UCHL1: variants seen among roughly 807,000 people sequenced by gnomAD.
UCHL1 encodes the protein ubiquitin carboxyl-terminal hydrolase isozyme L1.
Under a neutral mutation model 33.3 loss-of-function variants are expected in UCHL1, and 5 were observed. That is an observed-to-expected ratio of 0.15 (90% confidence interval 0.08 to 0.32). The LOEUF is 0.32. Ranked by LOEUF, UCHL1 falls within the 10% of genes least tolerant of loss-of-function variation. The pLI is 1.00. For synonymous variants in UCHL1, 132 were observed against 108.8 expected (o/e 1.21, Z -1.33); for missense variants, 236 against 280.0 (o/e 0.84, Z 1.12).
At chr4:41,257,284 G>A (rs561429660) in intron 2 of UCHL1, 158 bp downstream of exon 2, 16 of 1,218,648 alleles carry the variant, frequency 1.3e-5, no homozygotes, top group African/African-American at 1.2e-4. Context: ...CTGGGCCCCT[G>A]CATTTAGCGG....
Position 41,266,412 on chromosome 4 carries a change from C to T in UCHL1, c.586-1575C>T, listed in dbSNP as rs558940619. ...TATTAAACTGGTTAGAATATACATG[C>T]ACTTAACCCAAATATCTTAAGCTTG... is the stretch of plus-strand genomic sequence containing the variant. On this transcript the variant is annotated intron_variant, in intron 8 of 8. Transcript: ENST00000284440. Among the ~76,000 whole-genome samples, 6 of 152,200 alleles carry T rather than the reference C, an allele frequency of 3.9e-5. No homozygotes were observed. In the East Asian group the frequency reaches 1.2e-3, roughly 29 times the overall value.
At position 41,257,013 on chromosome 4, in the gene UCHL1, A is replaced by T. The variant is rs375157748; in HGVS notation, c.33+4A>T. Reference sequence around the variant, plus strand: ...GCCGATGGAGATCAACCCCGAGGTGAGCGCCAGGTGCACCGCTACCCGGAG... The same window carrying T: ...GCCGATGGAGATCAACCCCGAGGTGTGCGCCAGGTGCACCGCTACCCGGAG... On this transcript the variant is annotated splice_donor_region_variant and intron_variant, in intron 1 of 8. Coordinates refer to ENST00000284440, the MANE Select transcript of UCHL1 (RefSeq NM_004181.5). The T allele has an allele frequency of 1.2e-6, 2 of 1,614,170 alleles. No homozygotes were observed. The highest frequency in any genetic ancestry group is 3.3e-5 in the Admixed American group (2 of 60,032).
chr4:41,267,461 T>G lies in UCHL1; in HGVS notation c.586-526T>G, dbSNP rs113007879. 3.1e-3 allele frequency among the ~76,000 whole-genome samples: 477 copies of G among 152,272 alleles called. 4 individuals carry two copies. Among genetic ancestry groups the G allele is most frequent in the Middle Eastern group, 0.017 (5 of 294 alleles). ...CGTGGTTTCACCATGTTGGCCAGGA[T>G]GGTCTCTATCTCCCAGCCTCGTGAT... On this transcript the variant is annotated intron_variant, in intron 8 of 8. Coordinates refer to ENST00000284440, the MANE Select transcript of UCHL1 (RefSeq NM_004181.5).
At chr4:41,261,158 G>C (rs1781062863) in intron 4 of UCHL1, among the ~76,000 whole-genome samples, 1 of 152,026 alleles carries the variant, frequency 6.6e-6, no homozygotes, top group African/African-American at 2.4e-5. Context: ...GGACTATTTT[G>C]TTTCTTTACA....
chr4:41,257,804 G>T (rs1298774115), intron 3 of UCHL1, 67 bp downstream of exon 3: 8 of 1,516,532 alleles, frequency 5.3e-6, no homozygotes, highest in Non-Finnish European at 6.2e-6. Flanking sequence ...TTGAGTCCTC[G>T]GGGGCTCCCC....
In UCHL1 at chr4:41,261,890, C is replaced by A. The variant is rs1208995982; in HGVS notation, c.426C>A (p.Ala142=). The A allele has an allele frequency of 2.5e-6, 4 of 1,614,062 alleles. No individual in the cohort carries two copies. Among genetic ancestry groups the A allele is most frequent in the Non-Finnish European group, 3.4e-6 (4 of 1,180,016 alleles). ...CFEKNEAIQA[A]HDAVAQEGQC... is the part of the protein sequence containing the mutation. The stretch of plus-strand genomic sequence containing the variant: ...TTTTTCCGCAGGCCATACAGGCAGC[C>A]CATGATGCCGTGGCACAGGAAGGCC... The change falls in exon 6 of 9, where the codon GCC becomes GCA. Residue 142 remains alanine, a synonymous_variant. Transcript: ENST00000284440.
chr4:41,256,976 G>A lies in UCHL1; in HGVS notation c.-1G>A, dbSNP rs1780984194. On this transcript the variant is annotated 5_prime_UTR_variant, in exon 1 of 9. Transcript: ENST00000284440. ...CTATTTCTGCCGGGCGCTCCGCGAA[G>A]ATGCAGCTCAAGCCGATGGAGATCA... 6.2e-7 allele frequency: 1 copy of A among 1,614,198 alleles called. No homozygotes were observed. The highest frequency in any genetic ancestry group is 1.1e-5 in the South Asian group (1 of 91,086).
chr4:41,265,826 AT>A (rs1192064216), intron 8 of UCHL1, among the ~76,000 whole-genome samples: 1 of 152,226 alleles, frequency 6.6e-6, no homozygotes, highest in African/African-American at 2.4e-5. Context: ...GAATAGTAAT[AT>A]GGAATGAAGA....
rs1264348961 is a variant in UCHL1, at chr4:41,263,235, A to C, written c.470A>C (p.Lys157Thr). The C allele has an allele frequency of 6.2e-7, 1 of 1,614,016 alleles. No homozygotes were observed. The highest frequency in any genetic ancestry group is 8.5e-7 in the Non-Finnish European group (1 of 1,179,902). The change falls in exon 7 of 9, where the codon AAG becomes ACG. Residue 157 changes from lysine (K) to threonine (T), a missense_variant. Lys to Thr is a moderately conservative substitution (Grantham distance 78). Transcript: ENST00000284440. ...CTTGACTTTCTTTAGGTAGATGACA[A>C]GGTGAATTTCCATTTTATTCTGTTT... ...AQEGQCRVDD[K>T]VNFHFILFNN...
At chr4:41,264,879 A>G (rs556101790) in intron 8 of UCHL1, among the ~76,000 whole-genome samples, 1 of 152,216 alleles carries the variant, frequency 6.6e-6, no homozygotes. Flanking sequence ...TTAAGATATA[A>G]CTATACTTAA....
chr4:41,260,887 G>A, intron 4 of UCHL1, 90 bp downstream of exon 4: 1 of 1,579,190 alleles, frequency 6.3e-7, no homozygotes. Flanking sequence ...CAGAGATGCT[G>A]TACCTTTTGA....
intron 2 of UCHL1, 168 bp from the exon 3 acceptor site, chr4:41,257,441 G>C (rs1000478164): frequency 9.7e-7 from 1 of 1,030,964 alleles, no homozygotes; most frequent in Non-Finnish European, 1.3e-6. Context: ...GCCGCGCTTT[G>C]TGCTGTGTCA....
chr4:41,257,407 G>T lies in UCHL1; in HGVS notation c.46-202G>T, dbSNP rs989941824. ...GCGGGCAGCACAGACTCGGCTGCAC[G>T]GGCTTCGCGGGCGCCACGTGTGGGC... On this transcript the variant is annotated intron_variant, in intron 2 of 8. Transcript: ENST00000284440. 1.5e-4 allele frequency: 134 copies of T among 891,550 alleles called. 1 individual carries two copies. The highest frequency in any genetic ancestry group is 8.7e-4 in the African/African-American group (48 of 55,490). The allele number at this position is 891,550 out of a possible 1,614,324, so 55.2% of individuals were successfully genotyped here.
At chr4:41,259,531 G>A (rs188196516) in intron 3 of UCHL1, among the ~76,000 whole-genome samples, 6 of 152,180 alleles carry the variant, frequency 3.9e-5, no homozygotes, top group African/African-American at 4.8e-5. Context: ...ATCTTCTGGG[G>A]TAAGAGATCT....
In UCHL1 at chr4:41,260,631, C is replaced by G. The variant is rs748331745; in HGVS notation, c.175-16C>G. ...ACTTTCATTCTGAGATGTAAAAACG[C>G]TTTTTACATTCGCAGCATGAGAACT... is the stretch of plus-strand genomic sequence containing the variant. On this transcript the variant is annotated splice_polypyrimidine_tract_variant and intron_variant, in intron 3 of 8. Coordinates refer to ENST00000284440, the MANE Select transcript of UCHL1 (RefSeq NM_004181.5). 1.9e-6 allele frequency: 3 copies of G among 1,613,950 alleles called. No individual in the cohort carries two copies. In the African/African-American group the frequency reaches 4.0e-5, roughly 22 times the overall value.
At chr4:41,258,648 GGGGCATCACT>G in intron 3 of UCHL1, among the ~76,000 whole-genome samples, 1 of 152,218 alleles carries the variant, frequency 6.6e-6, no homozygotes, top group Non-Finnish European at 1.5e-5. Flanking sequence ...AGCAAAACTT[GGGGCATCACT>G]CTAAAGAGTG....
Position 41,257,604 on chromosome 4 carries a change from C to T in UCHL1, c.46-5C>T, listed in dbSNP as rs1278364003. On this transcript the variant is annotated splice_region_variant and splice_polypyrimidine_tract_variant and intron_variant, in intron 2 of 8. Transcript: ENST00000284440. ...GCGCCTGGCCGCCTTGTCTCCTCTCCGCAGGTGCTGTCCCGGCTGGGGGTC... is the reference window on the plus strand; with the variant it reads ...GCGCCTGGCCGCCTTGTCTCCTCTCTGCAGGTGCTGTCCCGGCTGGGGGTC... 6.5e-7 allele frequency: 1 copy of T among 1,537,606 alleles called. No homozygotes were observed. Among genetic ancestry groups the T allele is most frequent in the Non-Finnish European group, 8.7e-7 (1 of 1,148,786 alleles).
At chr4:41,263,782 C>T (rs1017578212) in intron 7 of UCHL1, among the ~76,000 whole-genome samples, 1 of 152,222 alleles carries the variant, frequency 6.6e-6, no homozygotes, top group Non-Finnish European at 1.5e-5. Context: ...GTCTCCTCCT[C>T]TCGCCTCCAT....
chr4:41,258,760 G>GT, intron 3 of UCHL1, among the ~76,000 whole-genome samples: 1 of 152,322 alleles, frequency 6.6e-6, no homozygotes, highest in Non-Finnish European at 1.5e-5. Context: ...CTTCCTCCTA[G>GT]TAAGTAAGCT....
Sources: allele counts gnomAD v4.1 joint callset (sites outside exome capture counted in the v4.1 genomes callset), GRCh38; gene constraint gnomAD v4.1.1; transcripts MANE v1.5; gene names NCBI Gene and HGNC (gene_info 2026-07-23, HGNC 2026-07-21).